The following FGD5 variants were observed in gnomAD, a reference collection of about 807,000 sequenced individuals.
FGD5 encodes FYVE, RhoGEF and PH domain containing 5, also known as FYVE, RhoGEF and PH domain-containing protein 5.
Under a neutral mutation model 133.4 loss-of-function variants are expected in FGD5, and 28 were observed. The observed-to-expected ratio is 0.21, with a 90% CI of 0.16 to 0.29. The LOEUF (loss-of-function observed/expected upper bound fraction) is 0.29, where lower values mean the gene tolerates loss of function less well. Ranked by LOEUF, FGD5 falls within the 10% of genes least tolerant of loss-of-function variation. FGD5 has a pLI of 1.00. For missense variants in FGD5, 1,858 were observed against 1,895.2 expected, an observed-to-expected ratio of 0.98 and a Z score of 0.36; for synonymous variants, 810 against 776.5, an observed-to-expected ratio of 1.04 and a Z score of -0.72.
chr3:14,878,725 CTTTT>C, intron 2 of FGD5, among the ~76,000 whole-genome samples: 1 of 133,630 alleles, frequency 7.5e-6, no homozygotes. Context: ...AAAGCCCATG[CTTTT>C]TTTTTTTTTT....
intron 1 of FGD5, among the ~76,000 whole-genome samples, chr3:14,863,533 C>T (rs908714472): frequency 3.3e-5 from 5 of 152,130 alleles, no homozygotes; most frequent in African/African-American, 1.2e-4. Flanking sequence ...AGAGTAGTCA[C>T]AGGCATAGAG....
intron 2 of FGD5, among the ~76,000 whole-genome samples, chr3:14,878,441 C>T (rs1277607007): frequency 1.3e-5 from 2 of 152,038 alleles, no homozygotes; most frequent in African/African-American, 4.8e-5. Context: ...TTCTTCTATC[C>T]CTGGTTACTT....
intron 1 of FGD5, among the ~76,000 whole-genome samples, chr3:14,827,734 G>T (rs2036628111): frequency 6.6e-6 from 1 of 152,088 alleles, no homozygotes; most frequent in Non-Finnish European, 1.5e-5. Flanking sequence ...CCCTCCTGCA[G>T]GCCACAGTGG....
At chr3:14,879,710 G>A (rs892165131) in intron 2 of FGD5, among the ~76,000 whole-genome samples, 5 of 152,278 alleles carry the variant, frequency 3.3e-5, no homozygotes, top group African/African-American at 1.2e-4. Flanking sequence ...GATAAGTGTC[G>A]TGAGAGGGGG....
At chr3:14,831,286 G>A (rs569435092) in intron 1 of FGD5, among the ~76,000 whole-genome samples, 1 of 152,180 alleles carries the variant, frequency 6.6e-6, no homozygotes, top group Admixed American at 6.5e-5. Context: ...GAAGTGTTAC[G>A]ATCCAAAGAT....
At position 14,855,713 on chromosome 3, in the gene FGD5, T is replaced by A. The variant is rs61491346; in HGVS notation, c.2526-8415T>A. Among the ~76,000 whole-genome samples, 7 of 151,928 alleles carry A rather than the reference T, an allele frequency of 4.6e-5. No individual in the cohort carries two copies. The East Asian group carries it at 1.3e-3, about 29-fold the overall frequency. On this transcript the variant is annotated intron_variant, in intron 1 of 19. Transcript: ENST00000285046. ...CCATCTTTTTAATCAGATTGGGTTT[T>A]TGTGTGTGTGTGTATGTTTTTTCTG...
chr3:14,878,390 T>A (rs765976462), intron 2 of FGD5, among the ~76,000 whole-genome samples: 3 of 152,250 alleles, frequency 2.0e-5, no homozygotes, highest in Non-Finnish European at 4.4e-5. Flanking sequence ...CATTTTGCAG[T>A]TAAGGCCTTT....
upstream of FGD5, among the ~76,000 whole-genome samples, chr3:14,816,476 A>G (rs1411618343): frequency 6.6e-6 from 1 of 152,176 alleles, no homozygotes; most frequent in Non-Finnish European, 1.5e-5. Context: ...CCCTTTTGAT[A>G]TGTAGCCTTT....
At chr3:14,905,328 A>T (rs13095407) in intron 9 of FGD5, among the ~76,000 whole-genome samples, 2,744 of 151,990 alleles carry the variant, frequency 0.018, 38 homozygotes, top group Non-Finnish European at 0.03. Context: ...GATTTTGGGA[A>T]GTTTGGCTGT....
At chr3:14,880,436 T>G (rs2037802790) in intron 2 of FGD5, 136 bp from the exon 3 acceptor site, 2 of 659,674 alleles carry the variant, frequency 3.0e-6, no homozygotes, top group Admixed American at 2.9e-5. Context: ...GTTAAATAAG[T>G]TGTTGAAGAA....
chr3:14,898,331 G>C (rs1294159474), intron 6 of FGD5, among the ~76,000 whole-genome samples: 1 of 152,156 alleles, frequency 6.6e-6, no homozygotes, highest in African/African-American at 2.4e-5. Context: ...AAGGGTCTCA[G>C]GGTAGTTTTC....
At chr3:14,838,941 C>T (rs1229014324) in intron 1 of FGD5, among the ~76,000 whole-genome samples, 5 of 152,214 alleles carry the variant, frequency 3.3e-5, no homozygotes. Context: ...ACAAGTCCAC[C>T]TGTTATATTC....
intron 9 of FGD5, among the ~76,000 whole-genome samples, chr3:14,903,618 C>G (rs1351944334): frequency 6.6e-6 from 1 of 150,814 alleles, no homozygotes; most frequent in Non-Finnish European, 1.5e-5. Context: ...GTTTTTTGTT[C>G]TTGCGATAGT....
intron 2 of FGD5, among the ~76,000 whole-genome samples, chr3:14,874,698 G>C (rs576525454): frequency 2.6e-5 from 4 of 152,296 alleles, no homozygotes; most frequent in African/African-American, 9.6e-5. Context: ...TAGAAATCAG[G>C]CCTCCTGATC....
intron 1 of FGD5, among the ~76,000 whole-genome samples, chr3:14,861,368 C>T (rs894159394): frequency 1.1e-4 from 16 of 152,162 alleles, no homozygotes; most frequent in Admixed American, 3.3e-4. Context: ...GAATCTGAAC[C>T]CAGGAAGCCT....
chr3:14,824,945 T>C (rs1376436677), intron 1 of FGD5, among the ~76,000 whole-genome samples: 1 of 152,274 alleles, frequency 6.6e-6, no homozygotes, highest in South Asian at 2.1e-4. Flanking sequence ...GTTAAAGACA[T>C]GCTTGCACCA....
intron 1 of FGD5, among the ~76,000 whole-genome samples, chr3:14,829,731 G>A (rs2036669792): frequency 6.6e-6 from 1 of 152,124 alleles, no homozygotes; most frequent in African/African-American, 2.4e-5. Context: ...GTCATTGTAT[G>A]GGCCATCCAG....
chr3:14,922,268 G>A lies in FGD5; in HGVS notation c.3670-143G>A. 3 of 1,228,468 alleles carry A rather than the reference G, an allele frequency of 2.4e-6. No individual in the cohort carries two copies. The highest frequency in any genetic ancestry group is 1.5e-5 in the South Asian group (1 of 68,910). The allele number at this position is 1,228,468 out of a possible 1,614,324, so 76.1% of individuals were successfully genotyped here. ...ACCAAGGGTGAGCATCCTGGAGGGTGCAGGAGAGGCCTTTCACATCAGACC... is the reference window on the plus strand; with the variant it reads ...ACCAAGGGTGAGCATCCTGGAGGGTACAGGAGAGGCCTTTCACATCAGACC... On this transcript the variant is annotated intron_variant, in intron 14 of 19. Transcript: ENST00000285046. The surrounding 1 kb of genome is among the most constrained non-coding windows in gnomAD (Gnocchi z 4.1).
At chr3:14,812,830 A>G (rs2036313435) in intron 1 of FGD5, among the ~76,000 whole-genome samples, 2 of 152,266 alleles carry the variant, frequency 1.3e-5, no homozygotes, top group African/African-American at 4.8e-5. Flanking sequence ...TAGAAAGAAC[A>G]GTGTCTGTAG....
Sources: allele counts gnomAD v4.1 joint callset (sites outside exome capture counted in the v4.1 genomes callset), GRCh38; gene constraint gnomAD v4.1.1; non-coding constraint Gnocchi (gnomAD v3.1); transcripts MANE v1.5; gene names NCBI Gene and HGNC (gene_info 2026-07-23, HGNC 2026-07-21).